Variants in GRID2 observed in about 807,000 individuals in gnomAD.
GRID2 encodes glutamate receptor ionotropic, delta-2.
GRID2 carries 33 observed loss-of-function variants against 114.8 expected under a neutral mutation model. That is an observed-to-expected ratio of 0.29 (90% CI 0.22 to 0.38). The LOEUF (loss-of-function observed/expected upper bound fraction) is 0.38. Among genes scored for constraint, GRID2 ranks in the 10% least tolerant of loss-of-function variants. The probability of loss-of-function intolerance (pLI) is 1.00; values close to 1 mark genes in which losing one functional copy is unlikely to be tolerated. For synonymous variants in GRID2, 505 were observed against 449.9 expected, an observed-to-expected ratio of 1.12 and a Z score of -1.55; for missense variants, 1,184 against 1,257.7, an observed-to-expected ratio of 0.94 and a Z score of 0.89.
intron 12 of GRID2, among the ~76,000 whole-genome samples, chr4:93,510,441 A>G (rs979342859): frequency 5.3e-5 from 8 of 152,196 alleles, no homozygotes; most frequent in Admixed American, 2.0e-4. Context: ...AGTTTACCAC[A>G]GAGGGGTTAC....
chr4:92,601,033 G>T (rs1439338193), intron 2 of GRID2, among the ~76,000 whole-genome samples: 1 of 151,708 alleles, frequency 6.6e-6, no homozygotes, highest in Non-Finnish European at 1.5e-5. Context: ...CCCCCAAAGG[G>T]CTTAACCCCA....
At chr4:93,286,694 GGT>G (rs113830718) in intron 8 of GRID2, among the ~76,000 whole-genome samples, 8,272 of 147,990 alleles carry the variant, frequency 0.056, 553 homozygotes, top group East Asian at 0.26. Context: ...TGTGTGTGGG[GGT>G]GTGTGTGTGT....
chr4:92,535,232 G>T (rs1016722576), intron 1 of GRID2, among the ~76,000 whole-genome samples: 1 of 152,064 alleles, frequency 6.6e-6, no homozygotes, highest in East Asian at 1.9e-4. Flanking sequence ...AGTTAAAGAG[G>T]TGTTTTATAA....
chr4:92,312,421 G>A (rs1004630817), intron 1 of GRID2, among the ~76,000 whole-genome samples: 8 of 152,058 alleles, frequency 5.3e-5, no homozygotes, highest in Non-Finnish European at 7.4e-5. Flanking sequence ...TAAATGTACA[G>A]TTATCAGATT....
intron 1 of GRID2, among the ~76,000 whole-genome samples, chr4:92,464,898 G>A (rs1216183119): frequency 1.3e-5 from 2 of 152,204 alleles, no homozygotes. Context: ...ATTGGATCAC[G>A]GGGGCAGATT....
chr4:93,464,683 A>T (rs1560647799), intron 11 of GRID2, among the ~76,000 whole-genome samples: 2 of 152,086 alleles, frequency 1.3e-5, no homozygotes, highest in African/African-American at 4.8e-5. Flanking sequence ...TTTTATGGCA[A>T]TTTTTTTCTT....
rs943498984 is a variant in GRID2, at chr4:92,541,787, G to GA, written c.89-48334dup. Among the ~76,000 whole-genome samples, 35 of 148,856 alleles carry GA rather than the reference G, an allele frequency of 2.4e-4. 1 individual carries two copies. Among genetic ancestry groups the GA allele is most frequent in the South Asian group, 8.5e-4 (4 of 4,690 alleles). On this transcript the variant is annotated intron_variant, in intron 1 of 15. Transcript: ENST00000282020. The stretch of plus-strand genomic sequence containing the variant: ...GCAATGATCCAGACAGATATTTCTG[G>GA]AAAAAAAAAATCTTAATTTACTGTT...
intron 1 of GRID2, among the ~76,000 whole-genome samples, chr4:92,544,462 A>G (rs1328978041): frequency 1.3e-5 from 2 of 152,146 alleles, no homozygotes; most frequent in Non-Finnish European, 2.9e-5. Flanking sequence ...GTTGCGCCAG[A>G]GCATTTATAT....
chr4:93,691,013 A>G (rs919154035), intron 14 of GRID2, among the ~76,000 whole-genome samples: 1 of 150,048 alleles, frequency 6.7e-6, no homozygotes, highest in Non-Finnish European at 1.5e-5. Flanking sequence ...ATAAAATATT[A>G]TATATGTATT....
At chr4:93,335,857 C>T (rs566411687) in intron 8 of GRID2, among the ~76,000 whole-genome samples, 2 of 152,068 alleles carry the variant, frequency 1.3e-5, no homozygotes, top group Non-Finnish European at 1.5e-5. Context: ...CTATCATATT[C>T]GGCTAGTTTT....
At chr4:92,722,106 G>A (rs1735836715) in intron 2 of GRID2, among the ~76,000 whole-genome samples, 1 of 152,160 alleles carries the variant, frequency 6.6e-6, no homozygotes. Flanking sequence ...ACAGTGGACT[G>A]GCAATGGCTA....
At chr4:92,781,864 C>T (rs1739095435) in intron 2 of GRID2, among the ~76,000 whole-genome samples, 1 of 151,776 alleles carries the variant, frequency 6.6e-6, no homozygotes, top group South Asian at 2.1e-4. Flanking sequence ...TGTTATAGCT[C>T]AATAAAATTT....
At chr4:92,691,478 T>C (rs536170029) in intron 2 of GRID2, among the ~76,000 whole-genome samples, 5 of 152,104 alleles carry the variant, frequency 3.3e-5, no homozygotes, top group African/African-American at 9.7e-5. Flanking sequence ...GGATGGAATC[T>C]GAAGGGAGCG....
chr4:93,316,865 TTTAA>T (rs1756713453), intron 8 of GRID2, among the ~76,000 whole-genome samples: 1 of 152,112 alleles, frequency 6.6e-6, no homozygotes, highest in African/African-American at 2.4e-5. Flanking sequence ...TCTGAGTACA[TTTAA>T]TGATTTAAAT....
rs1425965697 is a variant in GRID2, at chr4:92,966,247, A to G, written c.245-118748A>G. On this transcript the variant is annotated intron_variant, in intron 2 of 15. Transcript: ENST00000282020. ...AACATCAAGTCATGACATAAGAAAA[A>G]TGCAGGATGTTAAGGAGTAGTTGCC... Among the ~76,000 whole-genome samples the G allele has an allele frequency of 2.0e-5, 3 of 151,914 alleles. No homozygotes were observed. The East Asian group carries it at 5.8e-4, about 29-fold the overall frequency.
At chr4:92,418,125 G>A (rs1731710985) in intron 1 of GRID2, among the ~76,000 whole-genome samples, 1 of 152,128 alleles carries the variant, frequency 6.6e-6, no homozygotes, top group African/African-American at 2.4e-5. Context: ...GTTGTACCAT[G>A]GAAGAGTCTG....
rs557072591 is a variant in GRID2, at chr4:92,436,416, G to A, written c.88+131672G>A. 1.4e-4 allele frequency among the ~76,000 whole-genome samples: 21 copies of A among 152,126 alleles called. 1 individual carries two copies. The highest frequency in any genetic ancestry group is 1.0e-3 in the Admixed American group (16 of 15,286). Reference sequence around the variant, plus strand: ...TTCAATATTAAATTATAATCAATTTGTTATTATAGGGCTAAAGATTTCAGT... The same window carrying A: ...TTCAATATTAAATTATAATCAATTTATTATTATAGGGCTAAAGATTTCAGT... On this transcript the variant is annotated intron_variant, in intron 1 of 15. Coordinates refer to ENST00000282020, the MANE Select transcript of GRID2 (RefSeq NM_001510.4).
At chr4:92,439,618 A>G (rs1732923931) in intron 1 of GRID2, among the ~76,000 whole-genome samples, 1 of 131,732 alleles carries the variant, frequency 7.6e-6, no homozygotes. Flanking sequence ...GGGATGTAAG[A>G]AGAAACATTT....
chr4:92,974,961 T>C (rs770260025), intron 2 of GRID2, among the ~76,000 whole-genome samples: 3 of 151,434 alleles, frequency 2.0e-5, no homozygotes, highest in Non-Finnish European at 4.4e-5. Flanking sequence ...ATCTACACCA[T>C]CCTGGCTAAC....
Sources: gnomAD v4.1 joint callset for allele counts (sites outside exome capture counted in the v4.1 genomes callset) on GRCh38, gnomAD v4.1.1 for gene constraint, MANE v1.5 for transcripts, NCBI Gene and HGNC (gene_info 2026-07-23, HGNC 2026-07-21) for gene names.